CWF19L2: variants seen among roughly 807,000 people sequenced by gnomAD.
CWF19L2 encodes the protein CWF19-like protein 2.
A neutral mutation model predicts 111.7 loss-of-function variants in CWF19L2; 98 were observed. That is an observed-to-expected ratio of 0.88 (90% CI 0.75 to 1.04). The LOEUF is 1.04. Ranked by LOEUF, CWF19L2 falls within the 50% of genes least tolerant of loss-of-function variation. CWF19L2 has a pLI of 0.00. For synonymous variants in CWF19L2, 351 were observed against 342.9 expected (o/e 1.02, Z -0.26); for missense variants, 1,101 against 1,051.4 (o/e 1.05, Z -0.65).
chr11:107,382,152 T>C (rs1860696598), intron 12 of CWF19L2, among the ~76,000 whole-genome samples: 1 of 152,226 alleles, frequency 6.6e-6, no homozygotes, highest in Admixed American at 6.5e-5. Flanking sequence ...GAAGAGTTTA[T>C]ATTTAAAGAA....
chr11:107,387,864 C>A (rs1314904637), intron 12 of CWF19L2, among the ~76,000 whole-genome samples: 1 of 152,160 alleles, frequency 6.6e-6, no homozygotes, highest in African/African-American at 2.4e-5. Context: ...GGCCACAGAC[C>A]AGTACCCATC....
At chr11:107,405,214 C>A (rs1367737520) in intron 10 of CWF19L2, among the ~76,000 whole-genome samples, 1 of 152,162 alleles carries the variant, frequency 6.6e-6, no homozygotes, top group African/African-American at 2.4e-5. Flanking sequence ...CATGCTCATT[C>A]ATTTATGTGT....
At position 107,428,967 on chromosome 11, in the gene CWF19L2, G is replaced by C; in HGVS notation, c.1265C>G (p.Ser422Cys). 1 of 1,613,462 alleles carries C rather than the reference G, an allele frequency of 6.2e-7. No individual in the cohort carries two copies. The highest frequency in any genetic ancestry group is 8.5e-7 in the Non-Finnish European group (1 of 1,179,746). ...ATGTTTCTTGTCTCCTCTCCCATCA[G>C]AGCGACTCCATGATGTTAATCTTTC... ...SEERLTSWSR[S>C]DGRGDKKHSN... The change falls in exon 8 of 18, where the codon TCT becomes TGT. Residue 422 changes from serine (S) to cysteine (C), a missense_variant. Coordinates refer to ENST00000282251, the MANE Select transcript of CWF19L2 (RefSeq NM_152434.3).
chr11:107,406,873 T>C (rs536761274), intron 10 of CWF19L2, among the ~76,000 whole-genome samples: 55 of 151,888 alleles, frequency 3.6e-4, no homozygotes, highest in African/African-American at 1.2e-3. Context: ...TGTGTTACTA[T>C]TGGCTAATGC....
intron 17 of CWF19L2, among the ~76,000 whole-genome samples, chr11:107,329,134 T>C (rs1318360575): frequency 6.6e-6 from 1 of 152,104 alleles, no homozygotes; most frequent in Non-Finnish European, 1.5e-5. Flanking sequence ...TAAATATGAA[T>C]GGAAAGGCCT....
chr11:107,395,493 A>G (rs988744071), intron 10 of CWF19L2, among the ~76,000 whole-genome samples: 2 of 152,148 alleles, frequency 1.3e-5, no homozygotes, highest in African/African-American at 4.8e-5. Context: ...TTCTATGATT[A>G]TTTTTTATTG....
intron 10 of CWF19L2, among the ~76,000 whole-genome samples, chr11:107,414,588 T>A (rs1425283328): frequency 6.6e-6 from 1 of 152,168 alleles, no homozygotes; most frequent in Admixed American, 6.6e-5. Context: ...ACATCTCCAC[T>A]TATTCCACAT....
intron 12 of CWF19L2, among the ~76,000 whole-genome samples, chr11:107,360,774 T>A (rs1023111716): frequency 6.6e-6 from 1 of 152,202 alleles, no homozygotes; most frequent in African/African-American, 2.4e-5. Context: ...TGTTGACCAT[T>A]TGCATATCCT....
intron 13 of CWF19L2, among the ~76,000 whole-genome samples, 177 bp from the exon 14 acceptor site, chr11:107,349,230 AT>A (rs1860124572): frequency 6.6e-6 from 1 of 152,200 alleles, no homozygotes; most frequent in Non-Finnish European, 1.5e-5. Flanking sequence ...TTTTAAAGAT[AT>A]TTAGTATTTT....
intron 6 of CWF19L2, among the ~76,000 whole-genome samples, chr11:107,438,433 A>C (rs751892748): frequency 1.3e-5 from 2 of 152,218 alleles, no homozygotes; most frequent in Non-Finnish European, 2.9e-5. Flanking sequence ...TGAATATACA[A>C]ACCACATCTT....
chr11:107,456,858 G>A (rs11212252), intron 1 of CWF19L2, among the ~76,000 whole-genome samples: 3,971 of 152,250 alleles, frequency 0.026, 186 homozygotes, highest in African/African-American at 0.09. Flanking sequence ...GATTAAAGGA[G>A]AATGGGGCTG....
At chr11:107,449,968 C>T (rs990204566) in intron 3 of CWF19L2, among the ~76,000 whole-genome samples, 4 of 151,408 alleles carry the variant, frequency 2.6e-5, no homozygotes, top group Admixed American at 6.6e-5. Flanking sequence ...TGAATTTTAA[C>T]AAAAAATTTA....
chr11:107,379,202 T>G (rs1467397514), intron 12 of CWF19L2, among the ~76,000 whole-genome samples: 1 of 152,204 alleles, frequency 6.6e-6, no homozygotes, highest in Non-Finnish European at 1.5e-5. Context: ...CCTCAAAAAT[T>G]TGTAGTTATT....
At chr11:107,446,078 C>T (rs79129854) in intron 3 of CWF19L2, among the ~76,000 whole-genome samples, 1,961 of 152,288 alleles carry the variant, frequency 0.013, 25 homozygotes, top group South Asian at 0.038. Flanking sequence ...CCTAGACTGT[C>T]TACCTGACTT....
At chr11:107,358,238 T>C (rs150846361) in intron 12 of CWF19L2, among the ~76,000 whole-genome samples, 1 of 152,216 alleles carries the variant, frequency 6.6e-6, no homozygotes, top group East Asian at 1.9e-4. Flanking sequence ...AACATATGGC[T>C]TACCACAGGG....
intron 10 of CWF19L2, among the ~76,000 whole-genome samples, chr11:107,402,191 G>C (rs1861010783): frequency 6.6e-6 from 1 of 152,026 alleles, no homozygotes; most frequent in South Asian, 2.1e-4. Flanking sequence ...TCATGACCAA[G>C]AACCCAAAAG....
intron 10 of CWF19L2, among the ~76,000 whole-genome samples, chr11:107,400,259 C>T (rs1200877825): frequency 7.5e-6 from 1 of 133,688 alleles, no homozygotes; most frequent in East Asian, 2.2e-4. Context: ...AAACCAACCA[C>T]AAAAGATAAA....
At chr11:107,426,884 T>G (rs1307721634) in intron 8 of CWF19L2, among the ~76,000 whole-genome samples, 1 of 151,824 alleles carries the variant, frequency 6.6e-6, no homozygotes, top group Admixed American at 6.6e-5. Context: ...GCAAATAGGA[T>G]TAGGGTTGGA....
At chr11:107,328,710 G>A (rs758948447) in intron 17 of CWF19L2, among the ~76,000 whole-genome samples, 1 of 151,892 alleles carries the variant, frequency 6.6e-6, no homozygotes, top group Non-Finnish European at 1.5e-5. Context: ...CTTTTTTCTA[G>A]GACCAAATTT....
Sources: gnomAD v4.1 joint callset for allele counts (sites outside exome capture counted in the v4.1 genomes callset) on GRCh38, gnomAD v4.1.1 for gene constraint, MANE v1.5 for transcripts, NCBI Gene and HGNC (gene_info 2026-07-23, HGNC 2026-07-21) for gene names.